PRTG: variants seen among roughly 807,000 people sequenced by gnomAD.
PRTG encodes protogenin.
Under a neutral mutation model 122.5 loss-of-function variants are expected in PRTG, and 67 were observed. That is an observed-to-expected ratio of 0.55 (90% confidence interval 0.45 to 0.67). PRTG has a LOEUF of 0.67. Ranked by LOEUF, PRTG falls within the 30% of genes least tolerant of loss-of-function variation. PRTG has a pLI of 0.00. For synonymous variants in PRTG, 554 were observed against 501.1 expected, an observed-to-expected ratio of 1.11 and a Z score of -1.41; for missense variants, 1,435 against 1,415.4, an observed-to-expected ratio of 1.01 and a Z score of -0.22.
rs185852963 is a variant in PRTG at position 55,738,774 on chromosome 15, A to T, written c.397+1608T>A. ...GAGGGAGGGAAGAGACAGGAAGAAG[A>T]GAGGGAGGGAGGGGGAGGAAGGTAG... is the stretch of plus-strand genomic sequence containing the variant. On this transcript the variant is annotated intron_variant, in intron 2 of 19. Transcript: ENST00000389286. 1.4e-3 allele frequency: 242 copies of T among 167,820 alleles called. 1 individual carries two copies. In the East Asian group the frequency reaches 0.016, roughly 11 times the overall value. 10.4% of individuals were successfully genotyped at this position (167,820 alleles called of 1,614,324 possible). A position where few individuals can be genotyped will look rare whatever the true frequency, so the allele number is the denominator to read the frequency against.
intron 15 of PRTG, among the ~76,000 whole-genome samples, chr15:55,635,097 G>A (rs1567077010): frequency 6.7e-6 from 1 of 150,206 alleles, no homozygotes; most frequent in East Asian, 1.9e-4. Flanking sequence ...GTGTGTGTGT[G>A]TGTGTGTTTT....
intron 11 of PRTG, among the ~76,000 whole-genome samples, chr15:55,651,614 T>C (rs937665571): frequency 4.6e-5 from 7 of 152,314 alleles, no homozygotes; most frequent in East Asian, 3.9e-4. Flanking sequence ...GTTTGTTCCC[T>C]GGAAAATGCA....
chr15:55,619,765 C>T lies in PRTG; in HGVS notation c.*247G>A. The T allele has an allele frequency of 2.0e-6, 1 of 502,054 alleles. No individual in the cohort carries two copies. The highest frequency in any genetic ancestry group is 3.4e-6 in the Non-Finnish European group (1 of 298,402). 31.1% of individuals were successfully genotyped at this position (502,054 alleles called of 1,614,324 possible). On this transcript the variant is annotated 3_prime_UTR_variant, in exon 20 of 20. Transcript: ENST00000389286. ...AACACATTCAAAAAAAGCTAAAATACCCCATAAAGATATTAAGATTTTCAC... is the reference window on the plus strand; with the variant it reads ...AACACATTCAAAAAAAGCTAAAATATCCCATAAAGATATTAAGATTTTCAC...
At chr15:55,684,464 T>C (rs925078188) in intron 2 of PRTG, among the ~76,000 whole-genome samples, 1 of 152,154 alleles carries the variant, frequency 6.6e-6, no homozygotes, top group East Asian at 1.9e-4. Context: ...CTTGCATTCA[T>C]AGGATTGTGA....
chr15:55,645,889 C>G (rs887922767), intron 11 of PRTG, among the ~76,000 whole-genome samples: 1 of 152,136 alleles, frequency 6.6e-6, no homozygotes, highest in East Asian at 1.9e-4. Context: ...ACAAACAGGG[C>G]AGGCCTCCTC....
intron 2 of PRTG, among the ~76,000 whole-genome samples, chr15:55,718,415 G>A (rs562847907): frequency 3.4e-4 from 51 of 151,954 alleles, no homozygotes; most frequent in Middle Eastern, 3.4e-3. Context: ...AACCCCAAGC[G>A]TTGCTGAGTC....
intron 11 of PRTG, among the ~76,000 whole-genome samples, chr15:55,668,802 T>C (rs2059452124): frequency 6.6e-6 from 1 of 152,184 alleles, no homozygotes; most frequent in African/African-American, 2.4e-5. Context: ...ATAATCTTTT[T>C]AGCTACTTTA....
intron 4 of PRTG, among the ~76,000 whole-genome samples, chr15:55,682,111 G>A (rs116602396): frequency 0.016 from 2,395 of 152,212 alleles, 77 homozygotes; most frequent in African/African-American, 0.055. Context: ...TTTTGGCATT[G>A]AATAGAATAC....
chr15:55,742,760 C>T (rs1020823186), intron 1 of PRTG, 78 bp downstream of exon 1: 26 of 1,511,620 alleles, frequency 1.7e-5, no homozygotes, highest in Middle Eastern at 4.3e-4. Flanking sequence ...CACGCCCCAT[C>T]GTTTCCTCTT....
rs61744214 is a variant in PRTG at position 55,673,504 on chromosome 15, C to T, written c.1719G>A (p.Thr573=). ...SIQVLELPGT[T]HEYLLEGLKP... The stretch of plus-strand genomic sequence containing the variant: ...TCAGGCCTTCCAAAAGGTACTCATG[C>T]GTGGTCCCCGGGAGCTCCAGAACTT... Residue 573 remains threonine, a synonymous_variant, in exon 10 of 20, where the codon ACG becomes ACA. Transcript: ENST00000389286. 4,672 of 1,614,102 alleles carry T rather than the reference C, an allele frequency of 2.9e-3. 130 individuals carry two copies. In the African/African-American group the frequency reaches 0.056, roughly 19 times the overall value.
intron 2 of PRTG, among the ~76,000 whole-genome samples, chr15:55,728,687 GAA>G (rs1270082501): frequency 3.3e-5 from 5 of 152,020 alleles, no homozygotes; most frequent in Non-Finnish European, 7.4e-5. Flanking sequence ...CTCTGATCAA[GAA>G]AAAGACAATG....
chr15:55,645,621 C>CAAAGA (rs1294445472), intron 11 of PRTG, among the ~76,000 whole-genome samples: 1 of 151,652 alleles, frequency 6.6e-6, no homozygotes, highest in Non-Finnish European at 1.5e-5. Context: ...CGTAAATACA[C>CAAAGA]AAAGAATGAA....
chr15:55,678,385 G>A (rs117623880), intron 7 of PRTG, among the ~76,000 whole-genome samples: 2 of 152,104 alleles, frequency 1.3e-5, no homozygotes, highest in Non-Finnish European at 2.9e-5. Flanking sequence ...GAGTAGCCGG[G>A]ACTCCAGGCA....
rs145306396 is a variant in PRTG, at chr15:55,641,459, C to T, written c.2042-251G>A. ...AACAATAATACTACCACAACCACTT[C>T]TTCTCCTTTCTCTCCTCTTCCTTAT... On this transcript the variant is annotated intron_variant, in intron 11 of 19. Coordinates refer to ENST00000389286, the MANE Select transcript of PRTG (RefSeq NM_173814.6). Among the ~76,000 whole-genome samples the T allele has an allele frequency of 2.9e-3, 440 of 152,328 alleles. 1 individual carries two copies. Among genetic ancestry groups the T allele is most frequent in the Non-Finnish European group, 5.4e-3 (367 of 68,022 alleles).
intron 2 of PRTG, among the ~76,000 whole-genome samples, chr15:55,717,274 T>C (rs1186746479): frequency 6.6e-6 from 1 of 152,182 alleles, no homozygotes; most frequent in Non-Finnish European, 1.5e-5. Context: ...CAATGAACCA[T>C]TTCCTACTAA....
chr15:55,688,985 A>G (rs2059585721), intron 2 of PRTG, among the ~76,000 whole-genome samples: 1 of 152,176 alleles, frequency 6.6e-6, no homozygotes, highest in Non-Finnish European at 1.5e-5. Flanking sequence ...CTCTTTCTGT[A>G]TTCTCAATCA....
At chr15:55,674,031 G>A (rs1567093785) in intron 9 of PRTG, among the ~76,000 whole-genome samples, 1 of 152,154 alleles carries the variant, frequency 6.6e-6, no homozygotes, top group Admixed American at 6.5e-5. Flanking sequence ...ATACAAGGGT[G>A]GGGAAGCCTA....
intron 2 of PRTG, among the ~76,000 whole-genome samples, chr15:55,708,564 C>A (rs1393902851): frequency 1.3e-5 from 2 of 152,104 alleles, no homozygotes; most frequent in Admixed American, 1.3e-4. Flanking sequence ...GCCGAGATCA[C>A]ACCACTGCAC....
In PRTG at chr15:55,740,600, C is replaced by T; in HGVS notation, c.179G>A (p.Cys60Tyr). Reference protein sequence around the residue: ...VTRKDPVVLDCQAHGEVPIKV... With the variant: ...VTRKDPVVLDYQAHGEVPIKV... ...AATAGGAACTTCTCCGTGAGCCTGG[C>T]AATCTAAAACGACTGGGTCCTTTCT... The change falls in exon 2 of 20, where the codon TGC becomes TAC. Residue 60 changes from cysteine to tyrosine, a missense_variant. Physicochemically the swap from Cys to Tyr is radical, Grantham distance 194. Transcript: ENST00000389286. The T allele has an allele frequency of 1.4e-6, 2 of 1,464,194 alleles. No homozygotes were observed. The highest frequency in any genetic ancestry group is 1.9e-6 in the Non-Finnish European group (2 of 1,069,514). The allele number at this position is 1,464,194 out of a possible 1,614,324, so 90.7% of individuals were successfully genotyped here.
Sources: gnomAD v4.1 joint callset for allele counts (sites outside exome capture counted in the v4.1 genomes callset) on GRCh38, gnomAD v4.1.1 for gene constraint, MANE v1.5 for transcripts, NCBI Gene and HGNC (gene_info 2026-07-23, HGNC 2026-07-21) for gene names.